CDH13: variants seen among roughly 807,000 people sequenced by gnomAD.
CDH13 encodes the protein cadherin 13.
In CDH13, 24 loss-of-function variants were observed where a neutral mutation model predicts 63.8. That is an observed-to-expected ratio of 0.38 (90% CI 0.27 to 0.53). The LOEUF (loss-of-function observed/expected upper bound fraction) is 0.53. Ranked by LOEUF, CDH13 falls within the 20% of genes least tolerant of loss-of-function variation. CDH13 has a pLI of 0.85. For missense variants in CDH13, 1,049 were observed against 903.1 expected, an observed-to-expected ratio of 1.16 and a Z score of -2.07; for synonymous variants, 503 against 355.3, an observed-to-expected ratio of 1.42 and a Z score of -4.67.
chr16:83,767,534 A>G (rs1914477926), intron 11 of CDH13, among the ~76,000 whole-genome samples: 1 of 152,230 alleles, frequency 6.6e-6, no homozygotes, highest in Non-Finnish European at 1.5e-5. Context: ...TATCTTTATT[A>G]GCAGTATGAG....
intron 8 of CDH13, among the ~76,000 whole-genome samples, chr16:83,625,756 G>A (rs1910239319): frequency 6.6e-6 from 1 of 152,166 alleles, no homozygotes; most frequent in Non-Finnish European, 1.5e-5. Flanking sequence ...CCCACCCCCT[G>A]AAATTAGGGA....
In CDH13 at chr16:83,562,335, GA is replaced by G. The variant is rs952021864; in HGVS notation, c.961-40110del. Among the ~76,000 whole-genome samples, 11 of 151,320 alleles carry G rather than the reference GA, an allele frequency of 7.3e-5. 1 individual carries two copies. Among genetic ancestry groups the G allele is most frequent in the African/African-American group, 2.4e-4 (10 of 41,272 alleles). On this transcript the variant is annotated intron_variant, in intron 7 of 13. Coordinates refer to ENST00000567109, the MANE Select transcript of CDH13 (RefSeq NM_001257.5). ...AGAGTTCAGCTCTACTACCAGAATA[GA>G]AAAAAAAATTGCAAAGTATATAGCA...
intron 1 of CDH13, among the ~76,000 whole-genome samples, chr16:82,639,110 G>A (rs1909063176): frequency 6.6e-6 from 1 of 152,066 alleles, no homozygotes; most frequent in Admixed American, 6.6e-5. Flanking sequence ...CCTCTATGTT[G>A]CACTAGTATA....
chr16:83,112,938 G>C (rs1221432028), intron 3 of CDH13, among the ~76,000 whole-genome samples: 1 of 152,282 alleles, frequency 6.6e-6, no homozygotes, highest in East Asian at 1.9e-4. Context: ...CACTTATAAA[G>C]GAGGAAAACA....
chr16:83,116,311 T>G (rs1477149633), intron 3 of CDH13, among the ~76,000 whole-genome samples: 3 of 150,846 alleles, frequency 2.0e-5, no homozygotes, highest in African/African-American at 7.3e-5. Flanking sequence ...GGGAGGGAGG[T>G]CAGGGGGATG....
chr16:83,151,302 G>A lies in CDH13; in HGVS notation c.483+25801G>A, dbSNP rs149590568. 2.7e-4 allele frequency among the ~76,000 whole-genome samples: 41 copies of A among 152,296 alleles called. No homozygotes were observed. The East Asian group carries it at 7.9e-3, about 29-fold the overall frequency. On this transcript the variant is annotated intron_variant, in intron 4 of 13. Transcript: ENST00000567109. ...GAATTCCCTGGCATGCTTTAATGAA[G>A]ATTTCCAGACTGTACCTCACACCTA...
At chr16:83,410,279 G>A (rs773734656) in intron 6 of CDH13, among the ~76,000 whole-genome samples, 19 of 152,296 alleles carry the variant, frequency 1.2e-4, no homozygotes, top group Non-Finnish European at 1.3e-4. Flanking sequence ...AACCACGTTC[G>A]CCTTTGGAAT....
chr16:83,508,119 A>ACGG (rs1567722315), intron 7 of CDH13, among the ~76,000 whole-genome samples: 1 of 75,494 alleles, frequency 1.3e-5, no homozygotes, highest in African/African-American at 5.0e-5. Flanking sequence ...AAAAGGAAGG[A>ACGG]AGGGAGGAAG....
intron 7 of CDH13, among the ~76,000 whole-genome samples, chr16:83,557,464 A>G (rs960126683): frequency 6.6e-6 from 1 of 152,180 alleles, no homozygotes; most frequent in African/African-American, 2.4e-5. Flanking sequence ...CTGATGTTCT[A>G]TGTATATGAT....
intron 5 of CDH13, among the ~76,000 whole-genome samples, chr16:83,240,458 G>C (rs1022274031): frequency 2.0e-5 from 3 of 152,004 alleles, no homozygotes; most frequent in African/African-American, 7.3e-5. Flanking sequence ...GGAGGTTACT[G>C]AAGGAAACCA....
chr16:82,807,754 C>T (rs533912914), intron 1 of CDH13, among the ~76,000 whole-genome samples: 3 of 152,278 alleles, frequency 2.0e-5, no homozygotes, highest in East Asian at 1.9e-4. Flanking sequence ...AGCCTCCAAA[C>T]ACCACAATGG....
intron 1 of CDH13, among the ~76,000 whole-genome samples, chr16:82,667,177 G>A (rs577352900): frequency 1.3e-5 from 2 of 152,298 alleles, no homozygotes; most frequent in East Asian, 3.9e-4. Flanking sequence ...CAGCAGTAGG[G>A]TATTGAAATT....
chr16:83,199,120 G>A (rs922960912), intron 4 of CDH13, among the ~76,000 whole-genome samples: 1 of 152,226 alleles, frequency 6.6e-6, no homozygotes, highest in Non-Finnish European at 1.5e-5. Flanking sequence ...GTCAGAAGGT[G>A]CTGGAGCTGG....
chr16:82,793,808 G>A (rs1343756692), intron 1 of CDH13, among the ~76,000 whole-genome samples: 1 of 152,178 alleles, frequency 6.6e-6, no homozygotes, highest in African/African-American at 2.4e-5. Context: ...GCTTAGAGAT[G>A]ACTGCATCTC....
At chr16:83,102,514 G>C (rs1324057272) in intron 3 of CDH13, among the ~76,000 whole-genome samples, 1 of 152,274 alleles carries the variant, frequency 6.6e-6, no homozygotes, top group East Asian at 1.9e-4. Context: ...GATGACATGA[G>C]ATTACATGAC....
At chr16:83,444,959 C>G (rs1015471440) in intron 6 of CDH13, among the ~76,000 whole-genome samples, 2 of 146,938 alleles carry the variant, frequency 1.4e-5, no homozygotes, top group Non-Finnish European at 3.0e-5. Flanking sequence ...AATTAAAGCT[C>G]TTAAGAAAGG....
chr16:82,723,278 C>G (rs13333107), intron 1 of CDH13, among the ~76,000 whole-genome samples: 2,295 of 152,302 alleles, frequency 0.015, 66 homozygotes, highest in African/African-American at 0.053. Flanking sequence ...TTCATCTGCT[C>G]TCAGGGCTGT....
intron 6 of CDH13, among the ~76,000 whole-genome samples, chr16:83,428,912 C>G (rs895842314): frequency 1.3e-5 from 2 of 152,232 alleles, no homozygotes; most frequent in Admixed American, 6.5e-5. Context: ...CTGGGCCAAT[C>G]CATTACATTT....
At chr16:83,562,989 C>T (rs574417674) in intron 7 of CDH13, among the ~76,000 whole-genome samples, 1 of 152,294 alleles carries the variant, frequency 6.6e-6, no homozygotes, top group African/African-American at 2.4e-5. Context: ...GGATAAGTCC[C>T]CTTTTCTCTC....
Sources: gnomAD v4.1 joint callset for allele counts (sites outside exome capture counted in the v4.1 genomes callset) on GRCh38, gnomAD v4.1.1 for gene constraint, MANE v1.5 for transcripts, NCBI Gene and HGNC (gene_info 2026-07-23, HGNC 2026-07-21) for gene names.